Variants in ADAM33 observed in about 807,000 individuals in gnomAD.
ADAM33 encodes ADAM metallopeptidase domain 33, also known as disintegrin and metalloproteinase domain-containing protein 33.
A neutral mutation model predicts 106.2 loss-of-function variants in ADAM33; 103 were observed. The observed-to-expected ratio is 0.97, with a 90% CI of 0.83 to 1.14. The LOEUF (loss-of-function observed/expected upper bound fraction) is 1.14. Ranked by LOEUF, ADAM33 falls within the 50% of genes most tolerant of loss-of-function variation. The pLI is 0.00. For missense variants in ADAM33, 1,120 were observed against 1,096.6 expected (o/e 1.02, Z -0.30); for synonymous variants, 483 against 453.0 (o/e 1.07, Z -0.84).
intron 19 of ADAM33, 98 bp downstream of exon 19, chr20:3,670,908 G>T: frequency 7.0e-7 from 1 of 1,429,638 alleles, no homozygotes; most frequent in Non-Finnish European, 9.2e-7. Flanking sequence ...GCACCTGGGG[G>T]CAAGGCTGAG....
chr20:3,674,680 G>T lies in ADAM33; in HGVS notation c.424C>A (p.Leu142Ile), dbSNP rs766635066. The T allele has an allele frequency of 6.2e-7, 1 of 1,609,806 alleles. No homozygotes were observed. The highest frequency in any genetic ancestry group is 2.2e-5 in the East Asian group (1 of 44,844). ...TCSGMSGLITLSRNASYYLRP... is the reference protein window; with the variant it reads ...TCSGMSGLITISRNASYYLRP... ...AGATAATAGCTGGCATTCCTGCTGA[G>T]GGTGATCAGGCCACTAGGGTGCAGA... The change falls in exon 6 of 22, where the codon CTC becomes ATC. Residue 142 changes from leucine to isoleucine, a missense_variant. By Grantham distance (5) the Leu-to-Ile change is conservative (BLOSUM62 2). Coordinates refer to ENST00000356518, the MANE Select transcript of ADAM33 (RefSeq NM_025220.5).
rs1457293621 is a variant in ADAM33, at chr20:3,672,137, G to GC, written c.1593dup (p.Pro532AlafsTer103). ...AAGGGTGCTCGTGTCCTCTCACCAG[G>GC]CCCCCAGAGCTGCTGGCACTGCTGC... On this transcript the variant is annotated frameshift_variant, in exon 14 of 22. Coordinates refer to ENST00000356518, the MANE Select transcript of ADAM33 (RefSeq NM_025220.5). LOFTEE classifies it high-confidence loss of function. 1.9e-6 allele frequency: 3 copies of GC among 1,609,904 alleles called. No homozygotes were observed. The highest frequency in any genetic ancestry group is 1.1e-5 in the South Asian group (1 of 90,766).
rs369631605 is a variant in ADAM33, at chr20:3,674,659, A to G, written c.445T>C (p.Tyr149His). 2 of 1,611,140 alleles carry G rather than the reference A, an allele frequency of 1.2e-6. No individual in the cohort carries two copies. The highest frequency in any genetic ancestry group is 2.7e-5 in the African/African-American group (2 of 74,676). ...CCCCGGGGTGGCCAGGGACGCAGATAATAGCTGGCATTCCTGCTGAGGGTG... is the reference window on the plus strand; with the variant it reads ...CCCCGGGGTGGCCAGGGACGCAGATGATAGCTGGCATTCCTGCTGAGGGTG... ...LITLSRNASYYLRPWPPRGSK... is the reference protein window; with the variant it reads ...LITLSRNASYHLRPWPPRGSK... The change falls in exon 6 of 22, where the codon TAT (tyrosine) becomes CAT (histidine). Residue 149 changes from tyrosine to histidine, a missense_variant. Tyr to His is a moderately conservative substitution (Grantham distance 83, BLOSUM62 2). Transcript: ENST00000356518.
chr20:3,676,199 G>C (rs775663164), intron 3 of ADAM33, among the ~76,000 whole-genome samples: 1 of 149,576 alleles, frequency 6.7e-6, no homozygotes, highest in East Asian at 2.0e-4. Context: ...ACCTTCCTGA[G>C]CACAGGTCTG....
chr20:3,673,170 C>T, intron 11 of ADAM33, 184 bp downstream of exon 11: 4 of 1,509,818 alleles, frequency 2.6e-6, no homozygotes, highest in Non-Finnish European at 3.5e-6. Flanking sequence ...AATCTTCATA[C>T]CGTTGAGAAT....
In ADAM33 at chr20:3,669,795, C is replaced by T. The variant is rs752447148; in HGVS notation, c.2241-158G>A. The T allele has an allele frequency of 4.1e-4, 307 of 743,950 alleles. 2 individuals carry two copies. Among genetic ancestry groups the T allele is most frequent in the Middle Eastern group, 4.5e-4 (2 of 4,410 alleles). The allele number at this position is 743,950 out of a possible 1,614,324, so 46.1% of individuals were successfully genotyped here. ...TCACCCTCTCAGCTCCCTTCCTGCT[C>T]CCTCTTCAGGGGAGCCTTGGGATCC... On this transcript the variant is annotated intron_variant, in intron 19 of 21. Coordinates refer to ENST00000356518, the MANE Select transcript of ADAM33 (RefSeq NM_025220.5).
intron 13 of ADAM33, 56 bp from the exon 14 acceptor site, chr20:3,672,385 T>C: frequency 6.3e-7 from 1 of 1,589,876 alleles, no homozygotes; most frequent in Non-Finnish European, 8.6e-7. Flanking sequence ...CAGTGAGAGG[T>C]CCATGCCGAG....
In ADAM33 at chr20:3,681,827, C is replaced by T. The variant is rs1331498037; in HGVS notation, c.97+81G>A. ...CCGTGAGACCCTCCGCGCGCTGACCCGAGCTCTGAGCAGAACCCATCCCCG... is the reference window on the plus strand; with the variant it reads ...CCGTGAGACCCTCCGCGCGCTGACCTGAGCTCTGAGCAGAACCCATCCCCG... On this transcript the variant is annotated intron_variant, in intron 1 of 21. Transcript: ENST00000356518. The T allele has an allele frequency of 4.6e-6, 7 of 1,512,788 alleles. No individual in the cohort carries two copies. The Admixed American group carries it at 1.3e-4, about 28-fold the overall frequency. 93.7% of individuals were successfully genotyped at this position (1,512,788 alleles called of 1,614,324 possible). A position where few individuals can be genotyped will look rare whatever the true frequency, so the allele number is the denominator to read the frequency against.
In ADAM33 at chr20:3,671,796, G is replaced by C; in HGVS notation, c.1707-17C>G. 13 of 1,554,780 alleles carry C rather than the reference G, an allele frequency of 8.4e-6. No individual in the cohort carries two copies. The highest frequency in any genetic ancestry group is 1.1e-5 in the Non-Finnish European group (13 of 1,149,016). On this transcript the variant is annotated splice_polypyrimidine_tract_variant and intron_variant, in intron 15 of 21. Coordinates refer to ENST00000356518, the MANE Select transcript of ADAM33 (RefSeq NM_025220.5). The stretch of plus-strand genomic sequence containing the variant: ...AGGGCATCCCTGGGGAGGAAGTAGA[G>C]GGGGGTCAACAGCTGCAGTACCCCC...
chr20:3,681,576 C>G (rs1009668870), intron 1 of ADAM33, among the ~76,000 whole-genome samples: 2 of 150,438 alleles, frequency 1.3e-5, no homozygotes, highest in African/African-American at 4.9e-5. Flanking sequence ...GTTGTGAGAG[C>G]GAGAATCCAG....
rs372441762 is a variant in ADAM33 at position 3,675,113 on chromosome 20, G to C, written c.255-8C>G. On this transcript the variant is annotated splice_region_variant and splice_polypyrimidine_tract_variant and intron_variant, in intron 3 of 21. Transcript: ENST00000356518. This position sits in a 1 kb window ranked among gnomAD's most constrained non-coding sequence, Gnocchi z 4.1. ...CCTGGGGCCAGCAGCCTGCTGAGAG[G>C]GGGTGTTACAGGGAACACTGAATTC... 7.5e-6 allele frequency: 12 copies of C among 1,607,286 alleles called. No individual in the cohort carries two copies. In the African/African-American group the frequency reaches 1.2e-4, roughly 16 times the overall value.
In ADAM33 at chr20:3,671,698, G is replaced by A. The variant is rs746010505; in HGVS notation, c.1788C>T (p.Thr596=). The A allele has an allele frequency of 1.2e-5, 19 of 1,587,104 alleles. No homozygotes were observed. Among genetic ancestry groups the A allele is most frequent in the Admixed American group, 5.3e-5 (3 of 56,632 alleles). ...TCACTTCCTGGCCATCTAGGTGAAC[G>A]GTAGAGTCCACTGGCACCATGTGCG... The part of the protein sequence containing the change: ...LAPHMVPVDS[T]VHLDGQEVTC... Residue 596 remains threonine (T), a synonymous_variant, in exon 16 of 22, where the codon ACC becomes ACT. Coordinates refer to ENST00000356518, the MANE Select transcript of ADAM33 (RefSeq NM_025220.5).
chr20:3,679,481 A>T lies in ADAM33; in HGVS notation c.177+11T>A, dbSNP rs368171089. The T allele has an allele frequency of 1.2e-6, 2 of 1,603,216 alleles. No homozygotes were observed. Among genetic ancestry groups the T allele is most frequent in the African/African-American group, 1.3e-5 (1 of 74,874 alleles). ...GGGCCCCTGTGGAGGGCGGGGAGAC[A>T]TGGCACTGACCGGCTCCTCCAGGCT... On this transcript the variant is annotated intron_variant, in intron 2 of 21. Coordinates refer to ENST00000356518, the MANE Select transcript of ADAM33 (RefSeq NM_025220.5).
At chr20:3,678,472 G>C (rs1290910748) in intron 2 of ADAM33, among the ~76,000 whole-genome samples, 2 of 152,200 alleles carry the variant, frequency 1.3e-5, no homozygotes, top group Non-Finnish European at 1.5e-5. Flanking sequence ...GGATGGGGAG[G>C]GCAATCTCAA....
In ADAM33 at chr20:3,668,653, G is replaced by T. The variant is rs902932655; in HGVS notation, c.*310C>A. ...AGACTCCCAGGACAGAGCCCTTTTG[G>T]GATGGCCAGCACTACCCAGCCTCCA... On this transcript the variant is annotated 3_prime_UTR_variant, in exon 22 of 22. Coordinates refer to ENST00000356518, the MANE Select transcript of ADAM33 (RefSeq NM_025220.5). 72 of 426,654 alleles carry T rather than the reference G, an allele frequency of 1.7e-4. No homozygotes were observed. In the Admixed American group the frequency reaches 2.5e-3, roughly 15 times the overall value. 26.4% of individuals were successfully genotyped at this position (426,654 alleles called of 1,614,324 possible). A position where few individuals can be genotyped will look rare whatever the true frequency, so the allele number is the denominator to read the frequency against.
intron 19 of ADAM33, 115 bp downstream of exon 19, chr20:3,670,891 G>T: frequency 7.2e-7 from 1 of 1,384,244 alleles, no homozygotes; most frequent in Non-Finnish European, 9.5e-7. Context: ...CTCTGGGGCT[G>T]CTCTCTGCAC....
chr20:3,681,187 G>T (rs1322264186), intron 1 of ADAM33, among the ~76,000 whole-genome samples: 1 of 152,202 alleles, frequency 6.6e-6, no homozygotes, highest in African/African-American at 2.4e-5. Flanking sequence ...TGCTGTGCAG[G>T]ACTGGCTAAT....
At position 3,673,783 on chromosome 20, in the gene ADAM33, C is replaced by G; in HGVS notation, c.867G>C (p.Leu289=). The change falls in exon 9 of 22, where the codon CTG becomes CTC. Residue 289 remains leucine, a synonymous_variant. Coordinates refer to ENST00000356518, the MANE Select transcript of ADAM33 (RefSeq NM_025220.5). ...LWAFLQWRRG[L]WAQRPHDSAQ... is the part of the protein sequence containing the mutation. ...CGGAGTCGTGGGGCCGCTGCGCCCA[C>G]AGCCCCCGGCGCCACTGCAGGAAGG... 6.5e-7 allele frequency: 1 copy of G among 1,532,930 alleles called. No homozygotes were observed. Among genetic ancestry groups the G allele is most frequent in the Non-Finnish European group, 8.7e-7 (1 of 1,145,156 alleles). The allele number at this position is 1,532,930 out of a possible 1,614,324, so 95.0% of individuals were successfully genotyped here. A position where few individuals can be genotyped will look rare whatever the true frequency, so the allele number is the denominator to read the frequency against.
Position 3,671,563 on chromosome 20 carries a change from C to A in ADAM33, c.1905+18G>T, listed in dbSNP as rs373705446. 14 of 1,606,068 alleles carry A rather than the reference C, an allele frequency of 8.7e-6. No individual in the cohort carries two copies. The highest frequency in any genetic ancestry group is 1.2e-5 in the Non-Finnish European group (14 of 1,176,322). On this transcript the variant is annotated intron_variant, in intron 16 of 21. Transcript: ENST00000356518. ...CGGGATTCAAACGGCAAGGAGGGGT[C>A]GGGTGGGCAGAGCTCACCATTCTAG...
Sources: allele counts gnomAD v4.1 joint callset (sites outside exome capture counted in the v4.1 genomes callset), GRCh38; gene constraint gnomAD v4.1.1; non-coding constraint Gnocchi (gnomAD v3.1); transcripts MANE v1.5; gene names NCBI Gene and HGNC (gene_info 2026-07-23, HGNC 2026-07-21).